MCHR2: variants seen among roughly 807,000 people sequenced by gnomAD.
The protein encoded by MCHR2 is melanin concentrating hormone receptor 2, also known as melanin-concentrating hormone receptor 2.
Under a neutral mutation model 24.8 loss-of-function variants are expected in MCHR2, and 15 were observed. The observed-to-expected ratio is 0.60, with a 90% CI of 0.40 to 0.93. The LOEUF (loss-of-function observed/expected upper bound fraction) is 0.93, where lower values mean the gene tolerates loss of function less well. Among genes scored for constraint, MCHR2 ranks in the 40% least tolerant of loss-of-function variants. The probability of loss-of-function intolerance (pLI) is 0.00; values close to 1 mark genes in which losing one functional copy is unlikely to be tolerated. For synonymous variants in MCHR2, 151 were observed against 147.6 expected (o/e 1.02, Z -0.17); for missense variants, 386 against 408.7 (o/e 0.94, Z 0.48).
At chr6:99,974,568 T>A (rs1374783429) in intron 1 of MCHR2, among the ~76,000 whole-genome samples, 1 of 152,244 alleles carries the variant, frequency 6.6e-6, no homozygotes, top group African/African-American at 2.4e-5. Flanking sequence ...CTTGTCAAAG[T>A]CATTCTCCAT....
At chr6:99,927,963 G>T (rs7452473) in intron 5 of MCHR2, among the ~76,000 whole-genome samples, 6 of 152,124 alleles carry the variant, frequency 3.9e-5, no homozygotes, top group Admixed American at 2.0e-4. Flanking sequence ...GTATGATATT[G>T]GCTGTGGGTT....
Position 99,971,030 on chromosome 6 carries a change from G to C in MCHR2, c.-27-14856C>G, listed in dbSNP as rs535087776. Among the ~76,000 whole-genome samples the C allele has an allele frequency of 5.3e-5, 8 of 152,278 alleles. No homozygotes were observed. In the South Asian group the frequency reaches 1.5e-3, roughly 28 times the overall value. ...GGCTTTGTTCTTTTGGCTTAGGATT[G>C]ACTTGGTGATGCAGGCTCTTTTTTG... On this transcript the variant is annotated intron_variant, in intron 1 of 5. Coordinates refer to ENST00000281806, the MANE Select transcript of MCHR2 (RefSeq NM_001040179.2).
chr6:99,985,724 A>G (rs964714503), intron 1 of MCHR2, among the ~76,000 whole-genome samples: 8 of 152,212 alleles, frequency 5.3e-5, no homozygotes, highest in Non-Finnish European at 8.8e-5. Flanking sequence ...CAAAAATCCT[A>G]GAAGAAAACC....
At chr6:99,931,334 G>A (rs959255003) in intron 5 of MCHR2, among the ~76,000 whole-genome samples, 2 of 152,198 alleles carry the variant, frequency 1.3e-5, no homozygotes, top group Non-Finnish European at 2.9e-5. Context: ...CAGATCTCCA[G>A]CTGTGTGCTG....
intron 3 of MCHR2, 45 bp downstream of exon 3, chr6:99,947,717 G>A: frequency 6.3e-7 from 1 of 1,576,152 alleles, no homozygotes; most frequent in Non-Finnish European, 8.6e-7. Context: ...GGGAAGCACA[G>A]GCACCTCTGA....
chr6:99,984,571 A>C (rs1775736862), intron 1 of MCHR2, among the ~76,000 whole-genome samples: 1 of 152,138 alleles, frequency 6.6e-6, no homozygotes, highest in East Asian at 1.9e-4. Context: ...CAGAATTTTA[A>C]AAAACCCTAT....
intron 5 of MCHR2, among the ~76,000 whole-genome samples, chr6:99,931,618 T>C (rs1435322491): frequency 6.6e-6 from 1 of 152,132 alleles, no homozygotes; most frequent in Non-Finnish European, 1.5e-5. Flanking sequence ...AGCGAGACTC[T>C]GTGGGCGTAG....
chr6:99,953,748 T>C (rs1775009772), intron 2 of MCHR2, among the ~76,000 whole-genome samples: 1 of 152,098 alleles, frequency 6.6e-6, no homozygotes, highest in Non-Finnish European at 1.5e-5. Flanking sequence ...AGGTATTTAC[T>C]AATAGATATT....
At chr6:99,967,301 G>C (rs572829664) in intron 1 of MCHR2, among the ~76,000 whole-genome samples, 1 of 151,976 alleles carries the variant, frequency 6.6e-6, no homozygotes, top group African/African-American at 2.4e-5. Flanking sequence ...TGATGACTAG[G>C]ACAAGCAAAA....
chr6:99,931,610 C>T (rs149054450), intron 5 of MCHR2, among the ~76,000 whole-genome samples: 2,161 of 152,182 alleles, frequency 0.014, 28 homozygotes, highest in Middle Eastern at 0.041. Flanking sequence ...TAGCAATTAG[C>T]GAGACTCTGT....
intron 1 of MCHR2, among the ~76,000 whole-genome samples, chr6:99,975,580 C>G (rs1375568694): frequency 1.3e-5 from 2 of 152,212 alleles, no homozygotes; most frequent in African/African-American, 4.8e-5. Context: ...CACCCACTGT[C>G]CTGCACCCAC....
intron 1 of MCHR2, among the ~76,000 whole-genome samples, chr6:99,970,204 C>G (rs1647853978): frequency 6.6e-6 from 1 of 151,594 alleles, no homozygotes; most frequent in Non-Finnish European, 1.5e-5. Flanking sequence ...TATTTCTCCA[C>G]ATCCTCTCCA....
chr6:99,971,881 T>A (rs1449500591), intron 1 of MCHR2, among the ~76,000 whole-genome samples: 5 of 152,260 alleles, frequency 3.3e-5, no homozygotes, highest in Non-Finnish European at 7.3e-5. Context: ...TTATGTATGT[T>A]GAACCAGCCT....
At chr6:99,989,460 T>TA (rs1326277042) in intron 1 of MCHR2, among the ~76,000 whole-genome samples, 1 of 152,180 alleles carries the variant, frequency 6.6e-6, no homozygotes, top group Non-Finnish European at 1.5e-5. Context: ...CCAAAGAGAA[T>TA]ACTGAGGCTA....
At chr6:99,955,885 G>T in intron 2 of MCHR2, 81 bp downstream of exon 2, 1 of 1,155,198 alleles carries the variant, frequency 8.7e-7, no homozygotes. Context: ...ATGCTACAGG[G>T]GAAAGGACTC....
intron 1 of MCHR2, among the ~76,000 whole-genome samples, chr6:99,969,804 C>T (rs1370648882): frequency 3.3e-5 from 5 of 149,570 alleles, no homozygotes; most frequent in Non-Finnish European, 5.9e-5. Context: ...TGAGTGAGAA[C>T]ATGTGGTGTT....
At chr6:99,944,063 A>G (rs1299146613) in intron 3 of MCHR2, among the ~76,000 whole-genome samples, 1 of 152,230 alleles carries the variant, frequency 6.6e-6, no homozygotes, top group Non-Finnish European at 1.5e-5. Context: ...GTGAGGATTA[A>G]CAAGTATGGC....
At chr6:99,987,473 A>G (rs1356225998) in intron 1 of MCHR2, among the ~76,000 whole-genome samples, 3 of 152,160 alleles carry the variant, frequency 2.0e-5, no homozygotes, top group Non-Finnish European at 4.4e-5. Flanking sequence ...GATTAGTTCT[A>G]CAATTAAATA....
intron 3 of MCHR2, among the ~76,000 whole-genome samples, chr6:99,946,019 TA>T (rs1269641695): frequency 2.5e-4 from 38 of 151,294 alleles, no homozygotes; most frequent in African/African-American, 9.0e-4. Context: ...TATACCTGTT[TA>T]TTTTTTTTTT....
Sources: gnomAD v4.1 joint callset for allele counts (sites outside exome capture counted in the v4.1 genomes callset) on GRCh38, gnomAD v4.1.1 for gene constraint, MANE v1.5 for transcripts, NCBI Gene and HGNC (gene_info 2026-07-23, HGNC 2026-07-21) for gene names.